Variants in HEATR5B observed in about 807,000 individuals in gnomAD.
HEATR5B encodes the protein HEAT repeat-containing protein 5B.
HEATR5B carries 156 observed loss-of-function variants against 224.1 expected under a neutral mutation model. The observed-to-expected ratio is 0.70, with a 90% CI of 0.61 to 0.80. The LOEUF is 0.80. Among genes scored for constraint, HEATR5B ranks in the 30% least tolerant of loss-of-function variants. The probability of loss-of-function intolerance (pLI) is 0.00; values close to 1 mark genes in which losing one functional copy is unlikely to be tolerated. For missense variants in HEATR5B, 2,323 were observed against 2,535.5 expected, an observed-to-expected ratio of 0.92 and a Z score of 1.80; for synonymous variants, 1,027 against 893.0, an observed-to-expected ratio of 1.15 and a Z score of -2.68.
At chr2:37,011,563 T>C (rs1667789813) in intron 27 of HEATR5B, among the ~76,000 whole-genome samples, 1 of 152,238 alleles carries the variant, frequency 6.6e-6, no homozygotes, top group African/African-American at 2.4e-5. Context: ...TTGTAAGTTA[T>C]AATTTTGATG....
intron 19 of HEATR5B, 30 bp from the exon 20 acceptor site, chr2:37,040,548 G>T (rs1669806497): frequency 6.5e-7 from 1 of 1,541,670 alleles, no homozygotes; most frequent in South Asian, 1.2e-5. Context: ...CATTTTAGTT[G>T]TAAGGAAGAA....
At chr2:37,033,835 T>C (rs1480268931) in intron 21 of HEATR5B, among the ~76,000 whole-genome samples, 1 of 152,166 alleles carries the variant, frequency 6.6e-6, no homozygotes, top group Non-Finnish European at 1.5e-5. Context: ...ATAAGTAAAA[T>C]GCTTACAATG....
chr2:37,014,960 C>A (rs1245891360), intron 26 of HEATR5B, among the ~76,000 whole-genome samples: 1 of 150,180 alleles, frequency 6.7e-6, no homozygotes, highest in African/African-American at 2.5e-5. Flanking sequence ...CACGACAGGG[C>A]GAGACTTTGT....
At chr2:37,020,996 A>C (rs1668425001) in intron 24 of HEATR5B, among the ~76,000 whole-genome samples, 160 bp from the exon 25 acceptor site, 1 of 152,240 alleles carries the variant, frequency 6.6e-6, no homozygotes, top group South Asian at 2.1e-4. Context: ...GACAACTTCC[A>C]TATCAATCTT....
intron 4 of HEATR5B, among the ~76,000 whole-genome samples, chr2:37,076,425 A>C (rs577663883): frequency 8.5e-5 from 13 of 152,302 alleles, no homozygotes; most frequent in African/African-American, 3.1e-4. Context: ...ATGCATCTAC[A>C]AGCCAGGGAA....
At chr2:37,057,557 C>T in intron 14 of HEATR5B, 77 bp from the exon 15 acceptor site, 1 of 852,618 alleles carries the variant, frequency 1.2e-6, no homozygotes, top group Non-Finnish European at 1.8e-6. Flanking sequence ...CAAAGAGCTG[C>T]AACATGTTCA....
At chr2:37,044,066 A>G (rs763127741) in intron 18 of HEATR5B, among the ~76,000 whole-genome samples, 5 of 152,224 alleles carry the variant, frequency 3.3e-5, no homozygotes, top group Non-Finnish European at 7.3e-5. Context: ...TAATCAATAT[A>G]CCAAATTATT....
intron 10 of HEATR5B, 27 bp downstream of exon 10, chr2:37,064,713 T>C (rs758975040): frequency 6.2e-7 from 1 of 1,610,570 alleles, no homozygotes; most frequent in Admixed American, 1.7e-5. Flanking sequence ...CGTGACAGCA[T>C]TCCCAAGTCT....
chr2:37,006,784 A>G (rs1167891074), intron 29 of HEATR5B, among the ~76,000 whole-genome samples: 1 of 152,248 alleles, frequency 6.6e-6, no homozygotes, highest in Non-Finnish European at 1.5e-5. Flanking sequence ...GTTGTTGAAT[A>G]AAAAACATAT....
intron 35 of HEATR5B, among the ~76,000 whole-genome samples, chr2:36,987,014 A>T (rs1339501894): frequency 6.6e-6 from 1 of 152,094 alleles, no homozygotes; most frequent in African/African-American, 2.4e-5. Context: ...TGGCCTCCCA[A>T]AGTGTTGGGA....
intron 17 of HEATR5B, among the ~76,000 whole-genome samples, chr2:37,051,681 T>A (rs1670560117): frequency 1.3e-5 from 2 of 151,962 alleles, no homozygotes; most frequent in Admixed American, 1.3e-4. Context: ...TAGTTGATGG[T>A]CTCCTCAGAG....
At chr2:37,063,052 G>A (rs1324995671) in intron 10 of HEATR5B, among the ~76,000 whole-genome samples, 6 of 152,058 alleles carry the variant, frequency 3.9e-5, no homozygotes, top group South Asian at 2.1e-4. Context: ...CTCCAGCCTC[G>A]GCCTCCCTAG....
intron 17 of HEATR5B, among the ~76,000 whole-genome samples, chr2:37,052,531 A>G (rs1161643394): frequency 6.6e-6 from 1 of 152,244 alleles, no homozygotes; most frequent in Non-Finnish European, 1.5e-5. Flanking sequence ...TTCTTCCTGT[A>G]GATCTCAGCA....
chr2:37,065,977 A>G, intron 8 of HEATR5B, 67 bp from the exon 9 acceptor site: 1 of 1,441,070 alleles, frequency 6.9e-7, no homozygotes, highest in South Asian at 1.3e-5. Flanking sequence ...TTTGGTCTAT[A>G]CAATTTATGA....
intron 35 of HEATR5B, among the ~76,000 whole-genome samples, chr2:36,982,280 G>A (rs1022120271): frequency 2.0e-5 from 3 of 151,902 alleles, no homozygotes; most frequent in Non-Finnish European, 4.4e-5. Flanking sequence ...CACAGTGAGG[G>A]GAAATTCCTC....
In HEATR5B at chr2:37,000,652, C is replaced by T. The variant is rs760117299; in HGVS notation, c.5479G>A (p.Val1827Ile). 8 of 1,614,074 alleles carry T rather than the reference C, an allele frequency of 5.0e-6. No individual in the cohort carries two copies. Among genetic ancestry groups the T allele is most frequent in the South Asian group, 3.3e-5 (3 of 91,092 alleles). The change falls in exon 33 of 36, where the codon GTT becomes ATT. Residue 1827 changes from valine to isoleucine, a missense_variant. By Grantham distance (29) the Val-to-Ile change is conservative. Transcript: ENST00000233099. ...ATCAGAGCTGTCCACTGTTTTTGAA[C>T]GCCAGCCTCAGTTTTGGCCATTGAA... is the stretch of plus-strand genomic sequence containing the variant. ...TLSMAKTEAG[V>I]QKQWTALIRS...
At chr2:36,988,537 A>C (rs1164780846) in intron 35 of HEATR5B, 109 bp downstream of exon 35, 2 of 917,218 alleles carry the variant, frequency 2.2e-6, no homozygotes, top group South Asian at 1.8e-5. Flanking sequence ...TGGGACTCCC[A>C]AAGTGTAAGC....
In HEATR5B at chr2:36,990,738, C is replaced by A; in HGVS notation, c.5607G>T (p.Trp1869Cys). Residue 1869 changes from tryptophan (W) to cysteine (C), a missense_variant, in exon 34 of 36, where the codon TGG (tryptophan) becomes TGT (cysteine). Transcript: ENST00000233099. ...SMLTAIALFL[W>C]SASNEIIGVQ... ...CTCCTATTATTTCATTACTAGCAGA[C>A]CACAGGAAGAGTGCAATTGCTGTTA... The A allele has an allele frequency of 1.9e-6, 3 of 1,611,848 alleles. No individual in the cohort carries two copies. Among genetic ancestry groups the A allele is most frequent in the Non-Finnish European group, 2.5e-6 (3 of 1,178,494 alleles).
intron 14 of HEATR5B, among the ~76,000 whole-genome samples, chr2:37,058,007 C>T (rs1671021112): frequency 6.6e-6 from 1 of 152,092 alleles, no homozygotes; most frequent in Non-Finnish European, 1.5e-5. Flanking sequence ...TAATATTTTA[C>T]ATAATATTTG....
Sources: gnomAD v4.1 joint callset for allele counts (sites outside exome capture counted in the v4.1 genomes callset) on GRCh38, gnomAD v4.1.1 for gene constraint, MANE v1.5 for transcripts, NCBI Gene and HGNC (gene_info 2026-07-23, HGNC 2026-07-21) for gene names.